BMPER: variants seen among roughly 807,000 people sequenced by gnomAD.
The protein encoded by BMPER is BMP binding endothelial regulator.
BMPER carries 45 observed loss-of-function variants against 87.3 expected under a neutral mutation model. That is an observed-to-expected ratio of 0.52 (90% CI 0.41 to 0.66). The LOEUF is 0.66. Among genes scored for constraint, BMPER ranks in the 30% least tolerant of loss-of-function variants. The pLI is 0.00. For synonymous variants in BMPER, 326 were observed against 316.2 expected (o/e 1.03, Z -0.33); for missense variants, 784 against 867.5 (o/e 0.90, Z 1.21).
intron 3 of BMPER, among the ~76,000 whole-genome samples, chr7:33,957,167 T>C (rs1785166255): frequency 6.6e-6 from 1 of 151,916 alleles, no homozygotes; most frequent in South Asian, 2.1e-4. Context: ...ACAGCTTTAT[T>C]TGTAAAAGGT....
intron 11 of BMPER, among the ~76,000 whole-genome samples, chr7:34,065,199 A>ACACTCTCTCT (rs1298854336): frequency 2.1e-5 from 2 of 94,124 alleles, no homozygotes; most frequent in Admixed American, 1.2e-4. Context: ...ACACATACAC[A>ACACTCTCTCT]CTCACTCTCT....
chr7:34,132,206 A>G (rs1395629893), intron 13 of BMPER, among the ~76,000 whole-genome samples: 2 of 152,152 alleles, frequency 1.3e-5, no homozygotes, highest in Admixed American at 1.3e-4. Context: ...ATGAGAAGCA[A>G]CATTGAAGAA....
At chr7:33,940,333 G>T (rs1784722081) in intron 3 of BMPER, among the ~76,000 whole-genome samples, 1 of 152,104 alleles carries the variant, frequency 6.6e-6, no homozygotes, top group Non-Finnish European at 1.5e-5. Context: ...CATTCATTTG[G>T]TCGTTTCTGA....
chr7:34,051,829 C>T lies in BMPER; in HGVS notation c.677-32C>T, dbSNP rs758912948. Reference sequence around the variant, plus strand: ...CAAAATGGGACATCCCCGATTCTGTCTTACTTACACTGTGCTTCTGTTTCT... The same window carrying T: ...CAAAATGGGACATCCCCGATTCTGTTTTACTTACACTGTGCTTCTGTTTCT... On this transcript the variant is annotated intron_variant, in intron 7 of 14. Coordinates refer to ENST00000649409, the MANE Select transcript of BMPER (RefSeq NM_001365308.1). 6 of 1,551,000 alleles carry T rather than the reference C, an allele frequency of 3.9e-6. No individual in the cohort carries two copies. In the Admixed American group the frequency reaches 5.0e-5, roughly 13 times the overall value.
At position 34,048,508 on chromosome 7, in the gene BMPER, G is replaced by T. The variant is rs914034673; in HGVS notation, c.676+2103G>T. 2.0e-5 allele frequency among the ~76,000 whole-genome samples: 3 copies of T among 152,182 alleles called. No individual in the cohort carries two copies. In the South Asian group the frequency reaches 6.2e-4, roughly 32 times the overall value. ...CCCTGGGATAGGGTTAGCCAGTTCA[G>T]TGTGGCACAAATCATCATGCTGTGG... On this transcript the variant is annotated intron_variant, in intron 7 of 14. Transcript: ENST00000649409.
chr7:34,065,008 C>T (rs531161232), intron 11 of BMPER, among the ~76,000 whole-genome samples: 2 of 152,216 alleles, frequency 1.3e-5, no homozygotes, highest in African/African-American at 4.8e-5. Flanking sequence ...CAGAACAAAC[C>T]TTTGGGCACA....
intron 14 of BMPER, 75 bp from the exon 15 acceptor site, chr7:34,153,017 A>G: frequency 6.4e-7 from 1 of 1,556,058 alleles, no homozygotes; most frequent in East Asian, 2.2e-5. Context: ...TGAGCCTGCA[A>G]GAACGGCATC....
intron 6 of BMPER, among the ~76,000 whole-genome samples, chr7:34,005,670 G>T (rs1786709848): frequency 6.6e-6 from 1 of 151,986 alleles, no homozygotes; most frequent in African/African-American, 2.4e-5. Flanking sequence ...CTCCCAAAGT[G>T]CTGGGATTAC....
At chr7:33,942,212 A>G (rs1784787111) in intron 3 of BMPER, among the ~76,000 whole-genome samples, 1 of 152,108 alleles carries the variant, frequency 6.6e-6, no homozygotes, top group African/African-American at 2.4e-5. Context: ...TCAAAATGTA[A>G]CGGATCACAG....
At chr7:33,930,735 G>A (rs1328277740) in intron 2 of BMPER, among the ~76,000 whole-genome samples, 1 of 152,210 alleles carries the variant, frequency 6.6e-6, no homozygotes, top group African/African-American at 2.4e-5. Context: ...GAACCCAGGA[G>A]TTTGAGACCA....
intron 13 of BMPER, among the ~76,000 whole-genome samples, chr7:34,100,248 G>A (rs1257633801): frequency 6.6e-6 from 1 of 152,204 alleles, no homozygotes; most frequent in East Asian, 1.9e-4. Flanking sequence ...GCTATGATAT[G>A]TATGCTAAGA....
chr7:33,960,869 A>G (rs1027688800), intron 3 of BMPER, among the ~76,000 whole-genome samples: 6 of 152,200 alleles, frequency 3.9e-5, no homozygotes, highest in Admixed American at 6.5e-5. Context: ...AGCATTTATC[A>G]AGTGCTTCCC....
chr7:33,981,217 T>C (rs1785848885), intron 6 of BMPER, among the ~76,000 whole-genome samples: 1 of 152,188 alleles, frequency 6.6e-6, no homozygotes, highest in Non-Finnish European at 1.5e-5. Context: ...CTGTCCCTCT[T>C]CCAGGCCCAC....
At chr7:34,047,937 A>G (rs576545524) in intron 7 of BMPER, among the ~76,000 whole-genome samples, 1 of 151,662 alleles carries the variant, frequency 6.6e-6, no homozygotes, top group African/African-American at 2.4e-5. Flanking sequence ...TTTGCAGTCA[A>G]TAAGAGTGAT....
At chr7:33,920,488 C>T (rs577644815) in intron 2 of BMPER, among the ~76,000 whole-genome samples, 60 of 126,892 alleles carry the variant, frequency 4.7e-4, no homozygotes, top group Middle Eastern at 7.2e-3. Context: ...TACAGTGGTG[C>T]GATCTCGGCT....
At chr7:34,082,979 C>T (rs1789094287) in intron 12 of BMPER, among the ~76,000 whole-genome samples, 1 of 152,180 alleles carries the variant, frequency 6.6e-6, no homozygotes, top group Non-Finnish European at 1.5e-5. Context: ...TGCCTAGCTA[C>T]AGGCTTGTGA....
intron 8 of BMPER, 62 bp downstream of exon 8, chr7:34,052,032 TCAC>T (rs1217537246): frequency 7.2e-7 from 1 of 1,397,488 alleles, no homozygotes; most frequent in African/African-American, 1.4e-5. Context: ...AGTGTTAACA[TCAC>T]AGCCATAGCC....
At chr7:34,108,232 C>A (rs997575233) in intron 13 of BMPER, among the ~76,000 whole-genome samples, 4 of 152,152 alleles carry the variant, frequency 2.6e-5, no homozygotes, top group Non-Finnish European at 5.9e-5. Context: ...TGATCCCTGG[C>A]AGATTAGACC....
chr7:34,145,741 G>T (rs1181789295), intron 14 of BMPER, among the ~76,000 whole-genome samples: 3 of 152,202 alleles, frequency 2.0e-5, no homozygotes, highest in Non-Finnish European at 2.9e-5. Context: ...TAGTGCTGTT[G>T]TTGGGATCAT....
Sources: allele counts gnomAD v4.1 joint callset (sites outside exome capture counted in the v4.1 genomes callset), GRCh38; gene constraint gnomAD v4.1.1; transcripts MANE v1.5; gene names NCBI Gene and HGNC (gene_info 2026-07-23, HGNC 2026-07-21).